SHQ1: variants seen among roughly 807,000 people sequenced by gnomAD.
SHQ1 encodes protein SHQ1 homolog.
SHQ1 carries 49 observed loss-of-function variants against 53.8 expected under a neutral mutation model. That is an observed-to-expected ratio of 0.91 (90% CI 0.72 to 1.16). The LOEUF (loss-of-function observed/expected upper bound fraction) is 1.16. Ranked by LOEUF, SHQ1 falls within the 50% of genes most tolerant of loss-of-function variation. The pLI is 0.00. For missense variants in SHQ1, 738 were observed against 683.1 expected (o/e 1.08, Z -0.90); for synonymous variants, 243 against 251.0 (o/e 0.97, Z 0.30).
At chr3:72,818,598 A>G (rs572456711) in intron 6 of SHQ1, among the ~76,000 whole-genome samples, 2 of 152,330 alleles carry the variant, frequency 1.3e-5, no homozygotes, top group Non-Finnish European at 2.9e-5. Context: ...TAAATTGAGT[A>G]TAGTAGGCAG....
chr3:72,785,657 T>C (rs1309968620), intron 10 of SHQ1, among the ~76,000 whole-genome samples: 1 of 152,242 alleles, frequency 6.6e-6, no homozygotes, highest in Non-Finnish European at 1.5e-5. Context: ...CATCCACTCT[T>C]GTCCTACCTA....
In SHQ1 at chr3:72,845,786, T is replaced by C. The variant is rs547491365; in HGVS notation, c.144-1363A>G. Among the ~76,000 whole-genome samples, 21 of 152,170 alleles carry C rather than the reference T, an allele frequency of 1.4e-4. No individual in the cohort carries two copies. The South Asian group carries it at 3.9e-3, about 29-fold the overall frequency. On this transcript the variant is annotated intron_variant, in intron 1 of 10. Transcript: ENST00000325599. ...GATTAAAAACAAAAACAGCTGACAG[T>C]CCCAAAAGGCCCAGGACCTTTAATC...
chr3:72,825,909 T>C (rs145483326), intron 5 of SHQ1, among the ~76,000 whole-genome samples: 2 of 152,312 alleles, frequency 1.3e-5, no homozygotes, highest in African/African-American at 4.8e-5. Context: ...TCTTTGTATG[T>C]TCCAGGCACC....
chr3:72,768,241 A>G (rs1705773640), intron 10 of SHQ1, among the ~76,000 whole-genome samples: 1 of 152,224 alleles, frequency 6.6e-6, no homozygotes, highest in Admixed American at 6.5e-5. Flanking sequence ...CTGCAGGCAG[A>G]GAAGAGCTGC....
At chr3:72,795,752 C>G (rs1706591837) in intron 9 of SHQ1, among the ~76,000 whole-genome samples, 2 of 152,158 alleles carry the variant, frequency 1.3e-5, no homozygotes, top group Middle Eastern at 3.2e-3. Context: ...TGTGTGACAC[C>G]TCCAGAATAC....
chr3:72,803,822 A>G (rs189835750), intron 9 of SHQ1, among the ~76,000 whole-genome samples: 5 of 152,052 alleles, frequency 3.3e-5, no homozygotes, highest in African/African-American at 1.2e-4. Context: ...ACAAAATATT[A>G]TTTTTTTTCA....
At chr3:72,792,829 G>C (rs1459931647) in intron 10 of SHQ1, 87 bp downstream of exon 10, 2 of 761,308 alleles carry the variant, frequency 2.6e-6, no homozygotes, top group Non-Finnish European at 4.2e-6. Context: ...TACTCCTCAG[G>C]TTATTTCGTT....
At chr3:72,809,767 T>G (rs1383528999) in intron 9 of SHQ1, 4 of 152,148 alleles carry the variant, frequency 2.6e-5, no homozygotes, top group Non-Finnish European at 5.9e-5. Flanking sequence ...CAGACCAGCC[T>G]GGTCAACACG....
intron 5 of SHQ1, among the ~76,000 whole-genome samples, chr3:72,827,886 C>T (rs867336353): frequency 7.9e-5 from 12 of 151,694 alleles, no homozygotes; most frequent in Non-Finnish European, 1.3e-4. Context: ...TCCCAAGTAG[C>T]GGGGACTACA....
intron 10 of SHQ1, among the ~76,000 whole-genome samples, chr3:72,780,055 G>A (rs1025674125): frequency 1.3e-5 from 2 of 152,142 alleles, no homozygotes; most frequent in Non-Finnish European, 2.9e-5. Flanking sequence ...GAGCAACACA[G>A]CAAGACCCTG....
intron 10 of SHQ1, among the ~76,000 whole-genome samples, chr3:72,781,540 T>C (rs1457211781): frequency 1.3e-5 from 2 of 152,160 alleles, no homozygotes; most frequent in Admixed American, 6.5e-5. Flanking sequence ...ATTGTTTTGG[T>C]GCACCATTTT....
At chr3:72,780,410 T>A (rs758858783) in intron 10 of SHQ1, among the ~76,000 whole-genome samples, 4 of 152,342 alleles carry the variant, frequency 2.6e-5, no homozygotes, top group South Asian at 4.1e-4. Flanking sequence ...TAATTTTAAA[T>A]ATCAAGTTGA....
At chr3:72,833,495 TAGATAGACAGAC>T (rs61602895) in intron 4 of SHQ1, among the ~76,000 whole-genome samples, 14,357 of 52,152 alleles carry the variant, frequency 0.28, 925 homozygotes, top group East Asian at 0.49. Flanking sequence ...GATAGATAGA[TAGATAGACAGAC>T]AGACAGACAG....
chr3:72,840,233 ACT>A (rs1238780026), intron 4 of SHQ1, among the ~76,000 whole-genome samples: 1 of 120,674 alleles, frequency 8.3e-6, no homozygotes, highest in Non-Finnish European at 1.6e-5. Flanking sequence ...GCAAAGTGAG[ACT>A]CTGTCTTAAA....
Position 72,842,372 on chromosome 3 carries a change from G to T in SHQ1, c.239C>A (p.Thr80Asn), listed in dbSNP as rs201278619. The T allele has an allele frequency of 1.2e-6, 2 of 1,613,540 alleles. No individual in the cohort carries two copies. The highest frequency in any genetic ancestry group is 2.2e-5 in the South Asian group (2 of 91,064). ...CAGCCCCTCAAAATGCTGGCCAGGGGTTTCTTTGGGCAGGCGAATGGTAAA... is the reference window on the plus strand; with the variant it reads ...CAGCCCCTCAAAATGCTGGCCAGGGTTTTCTTTGGGCAGGCGAATGGTAAA... ...GIFTIRLPKE[T>N]PGQHFEGLNM... The change falls in exon 3 of 11, where the codon ACC (threonine) becomes AAC (asparagine). Residue 80 changes from threonine (T) to asparagine (N), a missense_variant. Coordinates refer to ENST00000325599, the MANE Select transcript of SHQ1 (RefSeq NM_018130.3).
the SHQ1 span, among the ~76,000 whole-genome samples, chr3:72,738,993 AC>A: frequency 3.3e-5 from 5 of 152,154 alleles, no homozygotes; most frequent in African/African-American, 1.2e-4. Context: ...TGGTTATGCC[AC>A]CTCATTAGAC....
the SHQ1 span, among the ~76,000 whole-genome samples, chr3:72,738,806 T>C: frequency 3.3e-5 from 5 of 152,204 alleles, no homozygotes; most frequent in Admixed American, 3.3e-4. Flanking sequence ...AAGCTTGGCG[T>C]CTGCCCCTGC....
chr3:72,754,597 T>C (rs1705462561), intron 10 of SHQ1, among the ~76,000 whole-genome samples: 1 of 152,114 alleles, frequency 6.6e-6, no homozygotes, highest in Non-Finnish European at 1.5e-5. Flanking sequence ...GTCAGGCTGG[T>C]CTTGAACTCC....
At chr3:72,829,090 T>C (rs140823809) in intron 5 of SHQ1, among the ~76,000 whole-genome samples, 3 of 150,722 alleles carry the variant, frequency 2.0e-5, no homozygotes, top group East Asian at 1.9e-4. Flanking sequence ...AACTTCAGGA[T>C]TGATTGAATG....
Sources: gnomAD v4.1 joint callset for allele counts (sites outside exome capture counted in the v4.1 genomes callset) on GRCh38, gnomAD v4.1.1 for gene constraint, MANE v1.5 for transcripts, NCBI Gene and HGNC (gene_info 2026-07-23, HGNC 2026-07-21) for gene names.